CRPPA: variants seen among roughly 807,000 people sequenced by gnomAD.
The protein encoded by CRPPA is D-ribitol-5-phosphate cytidylyltransferase.
CRPPA carries 43 observed loss-of-function variants against 52.0 expected under a neutral mutation model. The observed-to-expected ratio is 0.83, with a 90% CI of 0.65 to 1.07. The LOEUF is 1.07. CRPPA is among the 50% of genes least tolerant of loss of function. The pLI is 0.00. For missense variants in CRPPA, 629 were observed against 551.7 expected (o/e 1.14, Z -1.40); for synonymous variants, 250 against 203.5 (o/e 1.23, Z -1.94).
intron 3 of CRPPA, among the ~76,000 whole-genome samples, chr7:16,372,252 T>C (rs939414432): frequency 4.6e-5 from 7 of 152,224 alleles, no homozygotes; most frequent in African/African-American, 1.7e-4. Flanking sequence ...GTCATCAGGC[T>C]ATCTAACGTC....
chr7:16,350,671 A>T (rs1443170287), intron 3 of CRPPA, among the ~76,000 whole-genome samples: 2 of 152,164 alleles, frequency 1.3e-5, no homozygotes. Flanking sequence ...CAAACCACAA[A>T]TGAAGCAAGC....
At chr7:16,285,425 A>G (rs986092091) in intron 5 of CRPPA, among the ~76,000 whole-genome samples, 4 of 152,172 alleles carry the variant, frequency 2.6e-5, no homozygotes, top group Non-Finnish European at 5.9e-5. Context: ...CTTCTAAAAA[A>G]ATTCCTAAAA....
At chr7:16,308,402 G>T in intron 4 of CRPPA, 121 bp downstream of exon 4, 4 of 629,104 alleles carry the variant, frequency 6.4e-6, no homozygotes, top group Non-Finnish European at 2.9e-6. Flanking sequence ...CACATTGATG[G>T]TTCAGTAAAC....
At chr7:16,128,806 GA>G (rs1379439170) in intron 9 of CRPPA, among the ~76,000 whole-genome samples, 1 of 152,056 alleles carries the variant, frequency 6.6e-6, no homozygotes, top group Non-Finnish European at 1.5e-5. Flanking sequence ...GATAATTATG[GA>G]AACAGAAAGC....
intron 3 of CRPPA, among the ~76,000 whole-genome samples, chr7:16,331,276 G>T (rs542244052): frequency 6.6e-6 from 1 of 152,308 alleles, no homozygotes; most frequent in South Asian, 2.1e-4. Context: ...TGGGATTACA[G>T]GCGTGAGCCA....
rs1781735205 is a variant in CRPPA, at chr7:16,088,172, G to A, written c.*3523C>T. The A allele has an allele frequency of 6.6e-6, 1 of 152,100 alleles. No individual in the cohort carries two copies. Among genetic ancestry groups the A allele is most frequent in the Non-Finnish European group, 1.5e-5 (1 of 68,026 alleles). The allele number at this position is 152,100 out of a possible 1,614,324, so 9.4% of individuals were successfully genotyped here. ...TTAATCAAACCATTACTCACGCTAT[G>A]ATGAACTCCTAAGACGACTAACTTT... is the stretch of plus-strand genomic sequence containing the variant. On this transcript the variant is annotated 3_prime_UTR_variant, in exon 10 of 10. Coordinates refer to ENST00000407010, the MANE Select transcript of CRPPA (RefSeq NM_001101426.4).
At chr7:16,266,624 G>A (rs1373059027) in intron 6 of CRPPA, among the ~76,000 whole-genome samples, 3 of 151,802 alleles carry the variant, frequency 2.0e-5, no homozygotes, top group East Asian at 1.9e-4. Flanking sequence ...GATTACAGGT[G>A]CTCACCACCA....
chr7:16,106,576 G>A (rs770650968), intron 9 of CRPPA, among the ~76,000 whole-genome samples: 37 of 152,336 alleles, frequency 2.4e-4, no homozygotes, highest in South Asian at 8.3e-4. Context: ...AGTTCTACCC[G>A]TCTGGGGTTG....
At chr7:16,342,814 G>GATAT in intron 3 of CRPPA, among the ~76,000 whole-genome samples, 1 of 69,482 alleles carries the variant, frequency 1.4e-5, no homozygotes, top group East Asian at 6.5e-4. Flanking sequence ...TAGATATATA[G>GATAT]ATATACATAT....
At chr7:16,155,505 C>A (rs1287112220) in intron 9 of CRPPA, among the ~76,000 whole-genome samples, 1 of 152,190 alleles carries the variant, frequency 6.6e-6, no homozygotes, top group East Asian at 1.9e-4. Context: ...CACAGTAAGA[C>A]CAACTCTCCT....
chr7:16,278,048 T>G lies in CRPPA; in HGVS notation c.933+81A>C, dbSNP rs967895225. On this transcript the variant is annotated intron_variant, in intron 6 of 9. Transcript: ENST00000407010. ...ATTATGATTAAGGGATTTTTATGGGTTTTTTTCCAAGAAAGATATCTTTAT... is the reference window on the plus strand; with the variant it reads ...ATTATGATTAAGGGATTTTTATGGGGTTTTTTCCAAGAAAGATATCTTTAT... The G allele has an allele frequency of 3.5e-5, 26 of 749,584 alleles. 1 individual carries two copies. The highest frequency in any genetic ancestry group is 1.1e-4 in the African/African-American group (6 of 56,002). The allele number at this position is 749,584 out of a possible 1,614,324, so 46.4% of individuals were successfully genotyped here. A position where few individuals can be genotyped will look rare whatever the true frequency, so the allele number is the denominator to read the frequency against.
chr7:16,364,136 C>G (rs549435925), intron 3 of CRPPA, among the ~76,000 whole-genome samples: 1 of 152,192 alleles, frequency 6.6e-6, no homozygotes, highest in African/African-American at 2.4e-5. Context: ...GGAATACAGC[C>G]TTTACACTTA....
intron 9 of CRPPA, among the ~76,000 whole-genome samples, chr7:16,194,803 G>A (rs1010243841): frequency 5.3e-5 from 8 of 151,376 alleles, no homozygotes; most frequent in South Asian, 2.1e-4. Context: ...GTGAACTTTG[G>A]AAATTATGCT....
chr7:16,161,763 C>T (rs960980227), intron 9 of CRPPA, among the ~76,000 whole-genome samples: 1 of 152,126 alleles, frequency 6.6e-6, no homozygotes, highest in Non-Finnish European at 1.5e-5. Flanking sequence ...CAGAATGGTA[C>T]CAGCTCCTAT....
intron 9 of CRPPA, among the ~76,000 whole-genome samples, chr7:16,182,856 T>C (rs899916374): frequency 5.9e-5 from 9 of 152,178 alleles, no homozygotes; most frequent in East Asian, 1.9e-4. Flanking sequence ...TGTACCCTCA[T>C]AGAATGCGCC....
chr7:16,154,358 C>G (rs1037531811), intron 9 of CRPPA, among the ~76,000 whole-genome samples: 3 of 152,032 alleles, frequency 2.0e-5, no homozygotes, highest in East Asian at 3.9e-4. Context: ...CTCCAACCCC[C>G]CAACAGACCC....
chr7:16,417,207 A>C (rs1788215482), intron 1 of CRPPA, among the ~76,000 whole-genome samples: 1 of 152,246 alleles, frequency 6.6e-6, no homozygotes, highest in Non-Finnish European at 1.5e-5. Flanking sequence ...AAAGTCAATT[A>C]GTTCAATCAC....
intron 8 of CRPPA, among the ~76,000 whole-genome samples, chr7:16,224,546 A>G (rs34915294): frequency 0.2 from 31,011 of 152,132 alleles, 3,888 homozygotes; most frequent in South Asian, 0.43. Flanking sequence ...AGGATGGTCA[A>G]AATGAAACTT....
At chr7:16,388,611 A>T (rs1047882677) in intron 2 of CRPPA, among the ~76,000 whole-genome samples, 2 of 152,236 alleles carry the variant, frequency 1.3e-5, no homozygotes, top group African/African-American at 4.8e-5. Context: ...GTGGTGGCTC[A>T]TGCCTGTAAT....
Sources: gnomAD v4.1 joint callset for allele counts (sites outside exome capture counted in the v4.1 genomes callset) on GRCh38, gnomAD v4.1.1 for gene constraint, MANE v1.5 for transcripts, NCBI Gene and HGNC (gene_info 2026-07-23, HGNC 2026-07-21) for gene names.